Variants in CACNA1H observed in about 807,000 individuals in gnomAD.
CACNA1H encodes calcium voltage-gated channel subunit alpha1 H.
In CACNA1H, 149 loss-of-function variants were observed where a neutral mutation model predicts 192.5. The ratio of observed to expected loss-of-function variants is 0.77; its 90% CI spans 0.68 to 0.89. The LOEUF is 0.89. Among genes scored for constraint, CACNA1H ranks in the 40% least tolerant of loss-of-function variants. CACNA1H has a pLI of 0.00. For missense variants in CACNA1H, 4,257 were observed against 3,423.5 expected (o/e 1.24, Z -6.08); for synonymous variants, 2,202 against 1,475.2 (o/e 1.49, Z -11.29).
rs376748975 is a variant in CACNA1H at position 1,198,661 on chromosome 16, C to T, written c.690C>T (p.Leu230=). ...VTLLLDTLPM[L]GNVLLLCFFV... ...TGCTGCTGGATACGCTGCCCATGCT[C>T]GGGAACGTCCTTCTGCTGTGCTTCT... is the stretch of plus-strand genomic sequence containing the variant. Residue 230 remains leucine (L), a synonymous_variant, in exon 6 of 35, where the codon CTC becomes CTT. Transcript: ENST00000348261. 5.6e-5 allele frequency: 91 copies of T among 1,613,468 alleles called. 2 individuals carry two copies. The highest frequency in any genetic ancestry group is 4.0e-4 in the African/African-American group (30 of 74,990).
At chr16:1,212,416 G>A (rs1969561926) in intron 25 of CACNA1H, 95 bp from the exon 26 acceptor site, 2 of 1,321,076 alleles carry the variant, frequency 1.5e-6, no homozygotes, top group Non-Finnish European at 2.1e-6. Context: ...AGCCAGCACA[G>A]CCCCCGAGAC....
rs763092079 is a variant in CACNA1H, at chr16:1,202,004, C to G, written c.1554C>G (p.Val518=). Residue 518 remains valine, a synonymous_variant, in exon 9 of 35, where the codon GTC becomes GTG. Coordinates refer to ENST00000348261, the MANE Select transcript of CACNA1H (RefSeq NM_021098.3). Reference sequence around the variant, plus strand: ...ACACAGCCTCGGTGCACCACCTGGTCTACCACCACCATCACCACCACCACC... The same window carrying G: ...ACACAGCCTCGGTGCACCACCTGGTGTACCACCACCATCACCACCACCACC... The part of the protein sequence containing the change: ...GRHTASVHHL[V]YHHHHHHHHH... The G allele has an allele frequency of 2.9e-5, 44 of 1,538,630 alleles. No homozygotes were observed. In the South Asian group the frequency reaches 4.5e-4, roughly 16 times the overall value.
At chr16:1,163,999 C>A (rs1035906617) in intron 2 of CACNA1H, among the ~76,000 whole-genome samples, 1 of 152,170 alleles carries the variant, frequency 6.6e-6, no homozygotes, top group Non-Finnish European at 1.5e-5. Context: ...CTGCCCCAGC[C>A]GAGGAGCAGC....
In CACNA1H at chr16:1,220,137, A is replaced by G. The variant is rs753254835; in HGVS notation, c.6205A>G (p.Thr2069Ala). 1.3e-6 allele frequency: 2 copies of G among 1,497,732 alleles called. No homozygotes were observed. The allele number at this position is 1,497,732 out of a possible 1,614,324, so 92.8% of individuals were successfully genotyped here. A position where few individuals can be genotyped will look rare whatever the true frequency, so the allele number is the denominator to read the frequency against. The change falls in exon 35 of 35, where the codon ACT (threonine) becomes GCT (alanine). Residue 2069 changes from threonine to alanine, a missense_variant. Transcript: ENST00000348261. ...CTCCCCACGGCCCGCCAGCGTCCGC[A>G]CTCGTAAGCATACCTTCGGACAGCG... ...PRSPRPASVR[T>A]RKHTFGQRCV...
At position 1,210,436 on chromosome 16, in the gene CACNA1H, C is replaced by G; in HGVS notation, c.3912C>G (p.Ile1304Met). The G allele has an allele frequency of 6.4e-7, 1 of 1,554,438 alleles. No homozygotes were observed. Among genetic ancestry groups the G allele is most frequent in the Non-Finnish European group, 8.8e-7 (1 of 1,142,760 alleles). Residue 1304 changes from isoleucine (I) to methionine (M), a missense_variant, in exon 19 of 35, where the codon ATC (isoleucine) becomes ATG (methionine). Coordinates refer to ENST00000348261, the MANE Select transcript of CACNA1H (RefSeq NM_021098.3). Reference protein sequence around the residue: ...KMFDHVVLVFIFLNCVTIALE... With the variant: ...KMFDHVVLVFMFLNCVTIALE... ...TTGATCACGTGGTCCTCGTCTTCATCTTCCTCAACTGCGTCACCATCGCCC... is the reference window on the plus strand; with the variant it reads ...TTGATCACGTGGTCCTCGTCTTCATGTTCCTCAACTGCGTCACCATCGCCC...
intron 2 of CACNA1H, among the ~76,000 whole-genome samples, chr16:1,161,920 C>G (rs538904207): frequency 9.9e-5 from 15 of 152,136 alleles, no homozygotes; most frequent in Non-Finnish European, 4.4e-5. Flanking sequence ...AGGCAAGGCT[C>G]GGGGCAGATC....
At chr16:1,155,512 G>A (rs1022216650) in intron 2 of CACNA1H, among the ~76,000 whole-genome samples, 1 of 152,212 alleles carries the variant, frequency 6.6e-6, no homozygotes, top group African/African-American at 2.4e-5. Flanking sequence ...GGGACTGCAT[G>A]GGTTGGAATG....
intron 9 of CACNA1H, among the ~76,000 whole-genome samples, chr16:1,203,656 G>C (rs1241328016): frequency 6.6e-6 from 1 of 152,176 alleles, no homozygotes; most frequent in Non-Finnish European, 1.5e-5. Context: ...GGAGGCTCTA[G>C]GGGAGAACTC....
intron 3 of CACNA1H, 45 bp downstream of exon 3, chr16:1,195,128 G>GAGGTTT: frequency 1.0e-6 from 1 of 976,572 alleles, no homozygotes; most frequent in South Asian, 1.3e-5. Flanking sequence ...GGGTCGCTAC[G>GAGGTTT]AGGTTTATGG....
At chr16:1,165,022 G>A (rs1259605504) in intron 2 of CACNA1H, among the ~76,000 whole-genome samples, 1 of 152,204 alleles carries the variant, frequency 6.6e-6, no homozygotes, top group Admixed American at 6.5e-5. Context: ...GGGGTTCTGG[G>A]GCGTGAAGGA....
intron 2 of CACNA1H, among the ~76,000 whole-genome samples, chr16:1,188,023 A>G (rs1291104312): frequency 1.3e-5 from 2 of 152,240 alleles, no homozygotes; most frequent in African/African-American, 2.4e-5. Flanking sequence ...GAAGGTCTGC[A>G]TAAAACCTGT....
chr16:1,202,453 G>A lies in CACNA1H; in HGVS notation c.2002+1G>A. ...ATCCCGCATGTGGTCGGGGAGCATG[G>A]TGAGGACCCAGCCCCACCCCACGGA... On this transcript the variant is annotated splice_donor_variant, in intron 9 of 34. Transcript: ENST00000348261. LOFTEE classifies it high-confidence loss of function. 6.7e-7 allele frequency: 1 copy of A among 1,485,302 alleles called. No individual in the cohort carries two copies. The highest frequency in any genetic ancestry group is 9.0e-7 in the Non-Finnish European group (1 of 1,113,776). 92.0% of individuals were successfully genotyped at this position (1,485,302 alleles called of 1,614,324 possible). A position where few individuals can be genotyped will look rare whatever the true frequency, so the allele number is the denominator to read the frequency against.
At chr16:1,206,022 C>T in intron 11 of CACNA1H, 82 bp from the exon 12 acceptor site, 8 of 1,364,350 alleles carry the variant, frequency 5.9e-6, no homozygotes, top group Non-Finnish European at 7.9e-6. Flanking sequence ...GGCTCCCTGG[C>T]TGGTGACCCT....
intron 6 of CACNA1H, among the ~76,000 whole-genome samples, 155 bp from the exon 7 acceptor site, chr16:1,200,101 C>T (rs929513940): frequency 6.6e-6 from 1 of 152,134 alleles, no homozygotes; most frequent in East Asian, 1.9e-4. Context: ...TGCCCCCTGA[C>T]CCTAACCGTG....
intron 3 of CACNA1H, 122 bp from the exon 4 acceptor site, chr16:1,195,310 C>A: frequency 1.6e-6 from 1 of 635,736 alleles, no homozygotes; most frequent in Non-Finnish European, 2.0e-6. Flanking sequence ...GGGCTCAGGG[C>A]GGGGCAGGGG....
chr16:1,215,699 G>A, intron 30 of CACNA1H, 106 bp downstream of exon 30: 1 of 902,970 alleles, frequency 1.1e-6, no homozygotes, highest in South Asian at 1.5e-5. Flanking sequence ...TGGTCCCTCG[G>A]TTGTGTGGTG....
At chr16:1,211,417 A>T in intron 22 of CACNA1H, 64 bp from the exon 23 acceptor site, 1 of 1,608,936 alleles carries the variant, frequency 6.2e-7, no homozygotes, top group Non-Finnish European at 8.5e-7. Flanking sequence ...CTCGCGCCCC[A>T]GGAAGTCCGG....
At chr16:1,164,170 C>T (rs1190638201) in intron 2 of CACNA1H, among the ~76,000 whole-genome samples, 2 of 152,200 alleles carry the variant, frequency 1.3e-5, no homozygotes. Context: ...CCAGGATGCC[C>T]GTTCAGTTAT....
Position 1,195,443 on chromosome 16 carries a change from C to T in CACNA1H, c.423C>T (p.Ala141=), listed in dbSNP as rs769394588. The change falls in exon 4 of 35, where the codon GCC becomes GCT. Residue 141 remains alanine (A), a synonymous_variant. Coordinates refer to ENST00000348261, the MANE Select transcript of CACNA1H (RefSeq NM_021098.3). ...GCCTCCTCCCGCAGGCCTTTGACGCCTTCATTTTCGCCTTTTTTGCGGTGG... is the reference window on the plus strand; with the variant it reads ...GCCTCCTCCCGCAGGCCTTTGACGCTTTCATTTTCGCCTTTTTTGCGGTGG... ...ERCNILEAFD[A]FIFAFFAVEM... 50 of 1,555,928 alleles carry T rather than the reference C, an allele frequency of 3.2e-5. No homozygotes were observed. Among genetic ancestry groups the T allele is most frequent in the South Asian group, 2.6e-4 (22 of 84,298 alleles).
Sources: allele counts gnomAD v4.1 joint callset (sites outside exome capture counted in the v4.1 genomes callset), GRCh38; gene constraint gnomAD v4.1.1; transcripts MANE v1.5; gene names NCBI Gene and HGNC (gene_info 2026-07-23, HGNC 2026-07-21).